CENPP: variants seen among roughly 807,000 people sequenced by gnomAD.
CENPP encodes the protein centromere protein P.
A neutral mutation model predicts 35.6 loss-of-function variants in CENPP; 24 were observed. The ratio of observed to expected loss-of-function variants is 0.67; its 90% confidence interval spans 0.49 to 0.95. CENPP has a LOEUF of 0.95. Ranked by LOEUF, CENPP falls within the 40% of genes least tolerant of loss-of-function variation. The pLI is 0.00. For missense variants in CENPP, 332 were observed against 345.3 expected (o/e 0.96, Z 0.31); for synonymous variants, 120 against 125.5 (o/e 0.96, Z 0.29).
chr9:92,574,654 A>G (rs1389009839), intron 5 of CENPP, among the ~76,000 whole-genome samples: 1 of 152,224 alleles, frequency 6.6e-6, no homozygotes, highest in Non-Finnish European at 1.5e-5. Context: ...ACTCAAAGCA[A>G]TCTACAGATT....
chr9:92,529,136 A>T (rs1027303831), intron 5 of CENPP, among the ~76,000 whole-genome samples: 1 of 152,236 alleles, frequency 6.6e-6, no homozygotes, highest in Non-Finnish European at 1.5e-5. Flanking sequence ...TAATTGGTAA[A>T]CTTGTTTTCA....
chr9:92,401,027 A>G, intron 5 of CENPP: 1 of 765,492 alleles, frequency 1.3e-6, no homozygotes, highest in Non-Finnish European at 2.2e-6. Context: ...GATTACCACA[A>G]GGAATAAAGT....
At chr9:92,589,176 C>CAA (rs112816928) in intron 5 of CENPP, among the ~76,000 whole-genome samples, 4 of 140,740 alleles carry the variant, frequency 2.8e-5, no homozygotes, top group Non-Finnish European at 4.7e-5. Context: ...AAAAATACAC[C>CAA]AAAAAAAAAA....
At chr9:92,570,216 G>A (rs540858918) in intron 5 of CENPP, among the ~76,000 whole-genome samples, 96 of 152,228 alleles carry the variant, frequency 6.3e-4, no homozygotes, top group African/African-American at 2.2e-3. Context: ...CTGTGGGTTT[G>A]TCATAGATAG....
chr9:92,353,303 ACCCATTATGTATT>A (rs747836044), intron 4 of CENPP, among the ~76,000 whole-genome samples: 5 of 152,002 alleles, frequency 3.3e-5, no homozygotes, highest in Non-Finnish European at 7.4e-5. Context: ...TTCTTTTACT[ACCCATTATGTATT>A]CCCTTTGCGT....
In CENPP at chr9:92,346,880, G is replaced by A. The variant is rs191819743; in HGVS notation, c.467+1093G>A. Among the ~76,000 whole-genome samples the A allele has an allele frequency of 5.9e-4, 90 of 152,166 alleles. 1 individual carries two copies. In the East Asian group the frequency reaches 0.017, roughly 28 times the overall value. On this transcript the variant is annotated intron_variant, in intron 4 of 7. Transcript: ENST00000375587. ...ATAACTCTTTGATTATGGTGGTCCC[G>A]TCTGCTGTTAAGGGAAGGTTGGAAG...
At chr9:92,397,991 A>G (rs1386674048) in intron 5 of CENPP, among the ~76,000 whole-genome samples, 1 of 151,956 alleles carries the variant, frequency 6.6e-6, no homozygotes, top group East Asian at 1.9e-4. Flanking sequence ...CTAGCCTTCC[A>G]CCTTTCCGTA....
chr9:92,541,949 G>A (rs1027274053), intron 5 of CENPP, among the ~76,000 whole-genome samples: 11 of 151,898 alleles, frequency 7.2e-5, no homozygotes, highest in Admixed American at 3.3e-4. Flanking sequence ...ATCCGCCGCC[G>A]CACCCAGCTA....
intron 5 of CENPP, among the ~76,000 whole-genome samples, chr9:92,492,938 T>C (rs1039762215): frequency 6.6e-6 from 1 of 152,186 alleles, no homozygotes; most frequent in African/African-American, 2.4e-5. Context: ...ACTAGCCATT[T>C]AAGGCGGTCA....
intron 5 of CENPP, among the ~76,000 whole-genome samples, chr9:92,485,517 A>T (rs1846033674): frequency 6.6e-6 from 1 of 152,230 alleles, no homozygotes; most frequent in Admixed American, 6.5e-5. Context: ...GGCCTTATAT[A>T]TGCTAACCAT....
intron 5 of CENPP, among the ~76,000 whole-genome samples, chr9:92,412,186 A>G (rs1293289537): frequency 6.6e-6 from 1 of 152,092 alleles, no homozygotes; most frequent in Non-Finnish European, 1.5e-5. Context: ...TCCGGGGCTC[A>G]AGCAATCTTT....
chr9:92,415,611 T>C (rs1314070615), intron 5 of CENPP: 5 of 406,958 alleles, frequency 1.2e-5, no homozygotes, highest in Non-Finnish European at 2.1e-5. Context: ...GAATTAGGTT[T>C]CCTTTTTATA....
At chr9:92,379,913 A>C (rs1053947502) in intron 5 of CENPP, 54 bp downstream of exon 5, 2 of 1,077,750 alleles carry the variant, frequency 1.9e-6, no homozygotes, top group African/African-American at 1.6e-5. Flanking sequence ...AGCTGATATT[A>C]ATTGAGAATT....
intron 5 of CENPP, among the ~76,000 whole-genome samples, chr9:92,469,973 G>A (rs1406366762): frequency 3.9e-5 from 6 of 152,174 alleles, no homozygotes; most frequent in Admixed American, 1.3e-4. Context: ...CTAAGACTAC[G>A]TGCACCACCA....
At chr9:92,451,184 TG>T (rs1261816485) in intron 5 of CENPP, among the ~76,000 whole-genome samples, 1 of 149,446 alleles carries the variant, frequency 6.7e-6, no homozygotes, top group African/African-American at 2.5e-5. Flanking sequence ...GCCTATGTCC[TG>T]AATGGTAATG....
At chr9:92,416,068 A>ATATATATATT (rs1275784821) in intron 5 of CENPP, among the ~76,000 whole-genome samples, 19 of 137,008 alleles carry the variant, frequency 1.4e-4, no homozygotes, top group African/African-American at 4.7e-4. Flanking sequence ...GTATATATAT[A>ATATATATATT]TATTTATTTA....
At chr9:92,400,966 T>C (rs1843086933) in intron 5 of CENPP, 1 of 551,692 alleles carries the variant, frequency 1.8e-6, no homozygotes. Context: ...GAGTTTATCA[T>C]TGGAAATAAA....
At chr9:92,411,836 A>T (rs1843452295) in intron 5 of CENPP, among the ~76,000 whole-genome samples, 1 of 152,148 alleles carries the variant, frequency 6.6e-6, no homozygotes, top group African/African-American at 2.4e-5. Context: ...CCTGCCACAC[A>T]TTAACTTTTT....
chr9:92,607,322 G>C (rs1403865906), intron 5 of CENPP, among the ~76,000 whole-genome samples: 1 of 152,184 alleles, frequency 6.6e-6, no homozygotes, highest in South Asian at 2.1e-4. Context: ...CAATAGACCA[G>C]AGTGTCTTTC....
Sources: allele counts gnomAD v4.1 joint callset (sites outside exome capture counted in the v4.1 genomes callset), GRCh38; gene constraint gnomAD v4.1.1; transcripts MANE v1.5; gene names NCBI Gene and HGNC (gene_info 2026-07-23, HGNC 2026-07-21).